The following HRC variants were observed in gnomAD, a reference collection of about 807,000 sequenced individuals.
HRC encodes the protein histidine rich calcium binding protein, also known as sarcoplasmic reticulum histidine-rich calcium-binding protein.
In HRC, 41 loss-of-function variants were observed where a neutral mutation model predicts 61.4. That is an observed-to-expected ratio of 0.67 (90% CI 0.52 to 0.87). The LOEUF (loss-of-function observed/expected upper bound fraction) is 0.87, where lower values mean the gene tolerates loss of function less well. Among genes scored for constraint, HRC ranks in the 40% least tolerant of loss-of-function variants. The probability of loss-of-function intolerance (pLI) is 0.00; values close to 1 mark genes in which losing one functional copy is unlikely to be tolerated. For missense variants in HRC, 839 were observed against 885.8 expected (o/e 0.95, Z 0.67); for synonymous variants, 308 against 326.6 (o/e 0.94, Z 0.62).
intron 2 of HRC, 56 bp from the exon 3 acceptor site, chr19:49,152,434 C>T (rs1042592214): frequency 1.4e-6 from 2 of 1,462,344 alleles, no homozygotes; most frequent in Admixed American, 1.7e-5. Context: ...TGGGAGGTAC[C>T]CGCCCCTGGC....
chr19:49,152,462 A>G, intron 2 of HRC, 84 bp from the exon 3 acceptor site: 1 of 1,093,136 alleles, frequency 9.1e-7, no homozygotes, highest in Non-Finnish European at 1.3e-6. Flanking sequence ...TGCACCCTGG[A>G]CGCTTCCCCA....
rs757313452 is a variant in HRC at position 49,155,152 on chromosome 19, T to C, written c.86A>G (p.Gln29Arg). Residue 29 changes from glutamine (Q) to arginine (R), a missense_variant, in exon 1 of 6, where the codon CAG becomes CGG. Transcript: ENST00000252825. This position sits in a 1 kb window ranked among gnomAD's most constrained non-coding sequence, Gnocchi z 4.7. ...SLLLPPAMTQQLRGDGLGFRN... is the reference protein window; with the variant it reads ...SLLLPPAMTQRLRGDGLGFRN... ...GAAGCCTAGCCCATCCCCTCTGAGC[T>C]GCTGGGTCATGGCCGGGGGGAGGAG... The C allele has an allele frequency of 4.3e-6, 7 of 1,613,790 alleles. No individual in the cohort carries two copies. In the Admixed American group the frequency reaches 1.0e-4, roughly 23 times the overall value.
intron 4 of HRC, 145 bp from the exon 5 acceptor site, chr19:49,151,698 C>T: frequency 1.3e-6 from 1 of 761,740 alleles, no homozygotes; most frequent in Non-Finnish European, 2.2e-6. Flanking sequence ...TACCGGACCC[C>T]TTTTTCGTTC....
intron 4 of HRC, 49 bp from the exon 5 acceptor site, chr19:49,151,602 A>G (rs907702867): frequency 6.4e-7 from 1 of 1,554,640 alleles, no homozygotes; most frequent in Non-Finnish European, 8.9e-7. Context: ...CACGAGCAAA[A>G]TTAGGCAGCC....
rs2041406492 is a variant in HRC, at chr19:49,154,745, C to T, written c.493G>A (p.Glu165Lys). The part of the protein sequence containing the change: ...HRSHSHQDED[E>K]DEVVSSEHHH... ...TGCTCACTGGACACAACTTCATCCT[C>T]ATCCTCGTCTTGATGGCTGTGGCTC... Residue 165 changes from glutamate to lysine, a missense_variant, in exon 1 of 6, where the codon GAG becomes AAG. By Grantham distance (56) the Glu-to-Lys change is moderately conservative (BLOSUM62 1). Coordinates refer to ENST00000252825, the MANE Select transcript of HRC (RefSeq NM_002152.3). 2 of 1,614,116 alleles carry T rather than the reference C, an allele frequency of 1.2e-6. No individual in the cohort carries two copies. The highest frequency in any genetic ancestry group is 1.1e-5 in the South Asian group (1 of 91,068).
In HRC at chr19:49,154,500, A is replaced by G. The variant is rs932530069; in HGVS notation, c.738T>C (p.Asp246=). The change falls in exon 1 of 6, where the codon GAT becomes GAC. Residue 246 remains aspartate, a synonymous_variant. Coordinates refer to ENST00000252825, the MANE Select transcript of HRC (RefSeq NM_002152.3). ...CATCATCATCATCATCATCATCGTCATCTTCTTCATGGCCTTGGTGCCTGT... is the reference window on the plus strand; with the variant it reads ...CATCATCATCATCATCATCATCGTCGTCTTCTTCATGGCCTTGGTGCCTGT... The part of the protein sequence containing the change: ...PSHRHQGHEE[D]DDDDDDDDDD... The G allele has an allele frequency of 6.4e-7, 1 of 1,562,980 alleles. No homozygotes were observed. The highest frequency in any genetic ancestry group is 1.6e-5 in the African/African-American group (1 of 62,104).
At chr19:49,151,395 A>C (rs1025704974) in intron 5 of HRC, 63 bp from the exon 6 acceptor site, 1 of 1,567,816 alleles carries the variant, frequency 6.4e-7, no homozygotes, top group Non-Finnish European at 8.7e-7. Context: ...GGACGCTTAG[A>C]GATCATTAAC....
chr19:49,151,887 C>CCTCCCCT (rs2041363189), intron 4 of HRC, 117 bp downstream of exon 4: 4 of 1,013,732 alleles, frequency 3.9e-6, no homozygotes, highest in African/African-American at 1.6e-5. Context: ...CTTGGCCACG[C>CCTCCCCT]CTCCCCTCTT....
At position 49,154,866 on chromosome 19, in the gene HRC, A is replaced by G. The variant is rs1255656319; in HGVS notation, c.372T>C (p.Phe124=). The change falls in exon 1 of 6, where the codon TTT becomes TTC. Residue 124 remains phenylalanine (F), a synonymous_variant. Transcript: ENST00000252825. ...CACGGGCCTGCCCACCATGCTCTGC[A>G]AAGACCTCCTCACCTGAGACACCCT... ...GDEGVSGEEV[F]AEHGGQARGH... 2 of 1,614,010 alleles carry G rather than the reference A, an allele frequency of 1.2e-6. No individual in the cohort carries two copies. The highest frequency in any genetic ancestry group is 1.7e-6 in the Non-Finnish European group (2 of 1,179,998).
Position 49,153,285 on chromosome 19 carries a change from C to T in HRC, c.1878G>A (p.Leu626=), listed in dbSNP as rs1465816200. The change falls in exon 2 of 6, where the codon CTG becomes CTA. Residue 626 remains leucine, a synonymous_variant. Transcript: ENST00000252825. This position sits in a 1 kb window ranked among gnomAD's most constrained non-coding sequence, Gnocchi z 4.8. ...CATTGCAGAAGGAGCAGTAGCCACA[C>T]AGGGACCCTGGCTGGTAGTTCCCAT... The part of the protein sequence containing the change: ...QEYGNYQPGS[L]CGYCSFCNRC... The T allele has an allele frequency of 6.2e-7, 1 of 1,613,776 alleles. No homozygotes were observed. The highest frequency in any genetic ancestry group is 2.2e-5 in the East Asian group (1 of 44,866).
chr19:49,151,336 G>A lies in HRC; in HGVS notation c.2064-4C>T. On this transcript the variant is annotated splice_region_variant and splice_polypyrimidine_tract_variant and intron_variant, in intron 5 of 5. Transcript: ENST00000252825. ...TTCCAGCATGTCTGCCAGGGCCCTG[G>A]AGACGAGAACGCCAGAAGTTAGACA... The A allele has an allele frequency of 6.4e-7, 1 of 1,557,222 alleles. No individual in the cohort carries two copies. Among genetic ancestry groups the A allele is most frequent in the Non-Finnish European group, 8.7e-7 (1 of 1,148,542 alleles).
Position 49,155,296 on chromosome 19 carries a change from G to T in HRC, c.-59C>A. 2 of 1,520,618 alleles carry T rather than the reference G, an allele frequency of 1.3e-6. No homozygotes were observed. The highest frequency in any genetic ancestry group is 2.3e-5 in the East Asian group (1 of 43,892). The allele number at this position is 1,520,618 out of a possible 1,614,324, so 94.2% of individuals were successfully genotyped here. A position where few individuals can be genotyped will look rare whatever the true frequency, so the allele number is the denominator to read the frequency against. On this transcript the variant is annotated 5_prime_UTR_variant, in exon 1 of 6. Transcript: ENST00000252825. The surrounding 1 kb of genome is among the most constrained non-coding windows in gnomAD (Gnocchi z 4.7). ...TCTGCGGCAATGTGGACAAACGTTG[G>T]GGTCTTTGTCCCTTTGGGGTTGGTC...
intron 2 of HRC, among the ~76,000 whole-genome samples, chr19:49,152,971 A>G (rs1455661973): frequency 6.6e-6 from 1 of 151,486 alleles, no homozygotes; most frequent in African/African-American, 2.4e-5. Flanking sequence ...CCCCTAGCCT[A>G]TCAGCCCCTG....
At chr19:49,151,943 G>T (rs1301952302) in intron 4 of HRC, 61 bp downstream of exon 4, 2 of 1,525,022 alleles carry the variant, frequency 1.3e-6, no homozygotes, top group South Asian at 1.1e-5. Flanking sequence ...CCCCCACCAG[G>T]ATTCACCACG....
chr19:49,151,966 C>T (rs1367976757), intron 4 of HRC, 38 bp downstream of exon 4: 1 of 1,604,934 alleles, frequency 6.2e-7, no homozygotes, highest in African/African-American at 1.3e-5. Context: ...GGGCCCGGCA[C>T]CTTCCTCAGG....
rs756397878 is a variant in HRC, at chr19:49,154,291, T to C, written c.947A>G (p.His316Arg). 2 of 1,613,576 alleles carry C rather than the reference T, an allele frequency of 1.2e-6. No homozygotes were observed. Among genetic ancestry groups the C allele is most frequent in the South Asian group, 2.2e-5 (2 of 91,056 alleles). ...GTGGTCTTGGTGCCTGTGGGCCTGG[T>C]GTCCATACTCAGTGGAGACATCATC... ...DDDDVSTEYGHQAHRHQDHRK... is the reference protein window; with the variant it reads ...DDDDVSTEYGRQAHRHQDHRK... Residue 316 changes from histidine (H) to arginine (R), a missense_variant, in exon 1 of 6, where the codon CAC becomes CGC. Transcript: ENST00000252825.
chr19:49,151,427 A>T, intron 5 of HRC, 90 bp downstream of exon 5: 2 of 1,581,372 alleles, frequency 1.3e-6, no homozygotes, highest in Non-Finnish European at 1.7e-6. Flanking sequence ...ATGGACGGGG[A>T]AATGGAGTCC....
intron 4 of HRC, among the ~76,000 whole-genome samples, chr19:49,151,783 C>G (rs550216881): frequency 6.6e-6 from 1 of 152,256 alleles, no homozygotes; most frequent in South Asian, 2.1e-4. Context: ...AGGCTCTAAG[C>G]CCGCATCTCA....
Position 49,154,766 on chromosome 19 carries a change from G to A in HRC, c.472C>T (p.His158Tyr), listed in dbSNP as rs755812840. Reference protein sequence around the residue: ...HRHHLPSHRSHSHQDEDEDEV... With the variant: ...HRHHLPSHRSYSHQDEDEDEV... ...TCCTCATCCTCGTCTTGATGGCTGT[G>A]GCTCCTGTGGCTGGGGAGGTGGTGC... Residue 158 changes from histidine (H) to tyrosine (Y), a missense_variant, in exon 1 of 6, where the codon CAC (histidine) becomes TAC (tyrosine). Coordinates refer to ENST00000252825, the MANE Select transcript of HRC (RefSeq NM_002152.3). 1.1e-5 allele frequency: 18 copies of A among 1,613,922 alleles called. No homozygotes were observed. The highest frequency in any genetic ancestry group is 1.4e-5 in the Non-Finnish European group (16 of 1,180,006).
Sources: allele counts gnomAD v4.1 joint callset (sites outside exome capture counted in the v4.1 genomes callset), GRCh38; gene constraint gnomAD v4.1.1; non-coding constraint Gnocchi (gnomAD v3.1); transcripts MANE v1.5; gene names NCBI Gene and HGNC (gene_info 2026-07-23, HGNC 2026-07-21).